The following FBXO10 variants were observed in gnomAD, a reference collection of about 807,000 sequenced individuals.
FBXO10 encodes the protein F-box protein 10.
Under a neutral mutation model 80.7 loss-of-function variants are expected in FBXO10, and 39 were observed. That is an observed-to-expected ratio of 0.48 (90% CI 0.37 to 0.63). FBXO10 has a LOEUF of 0.63. Ranked by LOEUF, FBXO10 falls within the 30% of genes least tolerant of loss-of-function variation. FBXO10 has a pLI of 0.00. For missense variants in FBXO10, 1,025 were observed against 1,269.0 expected (o/e 0.81, Z 2.92); for synonymous variants, 449 against 489.6 (o/e 0.92, Z 1.09).
intron 3 of FBXO10, among the ~76,000 whole-genome samples, chr9:37,532,904 G>A (rs1280756800): frequency 5.9e-5 from 9 of 152,122 alleles, no homozygotes; most frequent in African/African-American, 7.2e-5. Flanking sequence ...TGTCTGAGAC[G>A]GCACGGACAG....
Position 37,518,363 on chromosome 9 carries a change from C to T in FBXO10, c.2276G>A (p.Gly759Asp), listed in dbSNP as rs775149596. 6.2e-7 allele frequency: 1 copy of T among 1,613,960 alleles called. No individual in the cohort carries two copies. Among genetic ancestry groups the T allele is most frequent in the Non-Finnish European group, 8.5e-7 (1 of 1,179,872 alleles). ...TTGGCTGCTCTGGGCCACAGTAATG[C>T]CTCTGTCCCCATTCGCGTGGATCAC... ...TNVIHANGDR[G>D]ITVAQSSQPT... Residue 759 changes from glycine (G) to aspartate (D), a missense_variant, in exon 9 of 11, where the codon GGC (glycine) becomes GAC (aspartate). By Grantham distance (94) the Gly-to-Asp change is moderately conservative. Coordinates refer to ENST00000432825, the MANE Select transcript of FBXO10 (RefSeq NM_012166.3).
chr9:37,558,575 C>T (rs964223240), intron 1 of FBXO10, among the ~76,000 whole-genome samples: 1 of 152,112 alleles, frequency 6.6e-6, no homozygotes, highest in Admixed American at 6.5e-5. Context: ...GAGAATACAG[C>T]AAGAACCCCA....
At chr9:37,513,158 G>T (rs1022079250) in intron 10 of FBXO10, among the ~76,000 whole-genome samples, 2 of 151,972 alleles carry the variant, frequency 1.3e-5, no homozygotes, top group Non-Finnish European at 2.9e-5. Context: ...TAAGGATCTG[G>T]ATAAGATCAT....
chr9:37,574,282 A>G (rs1398182578), intron 1 of FBXO10, among the ~76,000 whole-genome samples: 1 of 152,186 alleles, frequency 6.6e-6, no homozygotes, highest in Non-Finnish European at 1.5e-5. Flanking sequence ...TGAAGGAAAA[A>G]AGGAGGGAGG....
chr9:37,561,112 A>G (rs561242631), intron 1 of FBXO10, among the ~76,000 whole-genome samples: 29 of 151,848 alleles, frequency 1.9e-4, no homozygotes, highest in African/African-American at 6.5e-4. Flanking sequence ...ACTGCACTCT[A>G]GCCTGGGCGA....
At chr9:37,559,517 G>T (rs1214444684) in intron 1 of FBXO10, among the ~76,000 whole-genome samples, 1 of 152,218 alleles carries the variant, frequency 6.6e-6, no homozygotes, top group Non-Finnish European at 1.5e-5. Flanking sequence ...AAGGCTTGCT[G>T]TGATGATTAA....
intron 3 of FBXO10, among the ~76,000 whole-genome samples, chr9:37,536,295 A>G (rs1464102466): frequency 1.3e-5 from 2 of 152,142 alleles, no homozygotes; most frequent in African/African-American, 4.8e-5. Context: ...TCATGTTCAT[A>G]GTGAGTTAGT....
chr9:37,557,304 T>C (rs1339612953), intron 1 of FBXO10, among the ~76,000 whole-genome samples: 2 of 152,222 alleles, frequency 1.3e-5, no homozygotes, highest in Admixed American at 1.3e-4. Context: ...CACAACTTCA[T>C]ATCCTTGCAC....
chr9:37,523,659 C>T (rs1339420366), intron 6 of FBXO10, among the ~76,000 whole-genome samples: 4 of 152,140 alleles, frequency 2.6e-5, no homozygotes, highest in Admixed American at 2.0e-4. Flanking sequence ...CGGTGGCTCA[C>T]GCCTGTAACC....
chr9:37,529,716 G>C (rs1393214472), intron 4 of FBXO10, among the ~76,000 whole-genome samples: 1 of 152,200 alleles, frequency 6.6e-6, no homozygotes, highest in Admixed American at 6.5e-5. Context: ...ACAGTTGTTT[G>C]ACTTCTAGTC....
chr9:37,516,546 C>G (rs1428214257), intron 9 of FBXO10, among the ~76,000 whole-genome samples: 2 of 152,206 alleles, frequency 1.3e-5, no homozygotes, highest in African/African-American at 4.8e-5. Context: ...ACCCAGCAAT[C>G]CCACTACTGG....
At chr9:37,553,671 C>T (rs1010834803) in intron 1 of FBXO10, among the ~76,000 whole-genome samples, 6 of 150,716 alleles carry the variant, frequency 4.0e-5, no homozygotes, top group Non-Finnish European at 7.4e-5. Context: ...TTTGGGAGGC[C>T]GAGGCGGGCA....
Position 37,512,555 on chromosome 9 carries a change from T to C in FBXO10, c.2863A>G (p.Ile955Val). ...GAAGCAGGTCTGTGTCCTCACAGGATGGTGCAGAAGACACTGCGGTTGCTG... is the reference window on the plus strand; with the variant it reads ...GAAGCAGGTCTGTGTCCTCACAGGACGGTGCAGAAGACACTGCGGTTGCTG... The part of the protein sequence containing the change: ...YHSNRSVFCT[I>V]L The change falls in exon 11 of 11, where the codon ATC (isoleucine) becomes GTC (valine). Residue 955 changes from isoleucine to valine, a missense_variant. Around this residue, in one of 3 missense-constraint regions of FBXO10, gnomAD observed 97 missense variants for 101.8 expected, o/e 0.95. Transcript: ENST00000432825. The C allele has an allele frequency of 6.2e-7, 1 of 1,613,214 alleles. No homozygotes were observed. Among genetic ancestry groups the C allele is most frequent in the Non-Finnish European group, 8.5e-7 (1 of 1,179,402 alleles).
At chr9:37,573,253 G>A (rs552674129) in intron 1 of FBXO10, among the ~76,000 whole-genome samples, 37 of 152,302 alleles carry the variant, frequency 2.4e-4, no homozygotes, top group African/African-American at 7.9e-4. Context: ...AGATGACCAT[G>A]ACCAAGGTTG....
rs577651098 is a variant in FBXO10, at chr9:37,552,075, C to T, written c.-6-10301G>A. 6.6e-5 allele frequency among the ~76,000 whole-genome samples: 10 copies of T among 152,330 alleles called. No homozygotes were observed. The South Asian group carries it at 1.7e-3, about 25-fold the overall frequency. ...CCAATACCTTGTTCCTCATTTCTGTCTGAGACCTCATCAGACTAGCCTTCA... is the reference window on the plus strand; with the variant it reads ...CCAATACCTTGTTCCTCATTTCTGTTTGAGACCTCATCAGACTAGCCTTCA... On this transcript the variant is annotated intron_variant, in intron 1 of 10. Coordinates refer to ENST00000432825, the MANE Select transcript of FBXO10 (RefSeq NM_012166.3).
intron 10 of FBXO10, among the ~76,000 whole-genome samples, chr9:37,514,261 T>A (rs1384500517): frequency 6.6e-6 from 1 of 151,300 alleles, no homozygotes; most frequent in African/African-American, 2.4e-5. Context: ...TGAAAAGGAG[T>A]GATGAAATGA....
intron 3 of FBXO10, among the ~76,000 whole-genome samples, chr9:37,535,352 TTTA>T (rs1376412691): frequency 1.4e-5 from 2 of 144,160 alleles, no homozygotes; most frequent in Non-Finnish European, 3.0e-5. Flanking sequence ...CTTCTTTTTT[TTTA>T]TTTTTTTTTT....
intron 1 of FBXO10, among the ~76,000 whole-genome samples, chr9:37,544,182 T>C (rs10217806): frequency 0.082 from 12,488 of 152,212 alleles, 1,423 homozygotes; most frequent in African/African-American, 0.26. Context: ...GACAGGAGAA[T>C]TGCTTGAACC....
In FBXO10 at chr9:37,537,427, C is replaced by T. The variant is rs764749132; in HGVS notation, c.1102G>A (p.Asp368Asn). ...LSPSGEDEDE[D>N]QLMYRLSYQV... ...TAGGATAGTCTGTACATCAGCTGGT[C>T]CTCATCTTCATCCTCACCGCTGGGA... Residue 368 changes from aspartate to asparagine, a missense_variant, in exon 3 of 11, where the codon GAC becomes AAC. Around this residue, in one of 3 missense-constraint regions of FBXO10, gnomAD observed 450 missense variants for 499.4 expected, o/e 0.90. Coordinates refer to ENST00000432825, the MANE Select transcript of FBXO10 (RefSeq NM_012166.3). The T allele has an allele frequency of 6.2e-7, 1 of 1,600,610 alleles. No homozygotes were observed.
Sources: gnomAD v4.1 joint callset for allele counts (sites outside exome capture counted in the v4.1 genomes callset) on GRCh38, gnomAD v4.1.1 for gene constraint, gnomAD v4.1.1 regional missense constraint, MANE v1.5 for transcripts, NCBI Gene and HGNC (gene_info 2026-07-23, HGNC 2026-07-21) for gene names.